The following IFT70A variants were observed in gnomAD, a reference collection of about 807,000 sequenced individuals.
IFT70A encodes the protein intraflagellar transport 70A, also known as intraflagellar transport protein 70A.
chr2:177,614,578 G>C, the IFT70A span: 1 of 152,062 alleles, frequency 6.6e-6, no homozygotes, highest in Non-Finnish European at 1.5e-5. Flanking sequence ...ATTTTTAAAA[G>C]GTTTCCAAAG....
the IFT70A span, chr2:177,616,627 T>C: frequency 1.6e-6 from 2 of 1,279,608 alleles, no homozygotes; most frequent in Non-Finnish European, 2.1e-6. Flanking sequence ...AATATAAAGA[T>C]GCCAAGGCTA....
the IFT70A span, chr2:177,616,818 A>C: frequency 6.2e-7 from 1 of 1,601,976 alleles, no homozygotes; most frequent in Non-Finnish European, 8.5e-7. Context: ...GTTCAATAAC[A>C]GCAGGTATGT....
chr2:177,618,424 C>T, the IFT70A span: 1 of 1,611,392 alleles, frequency 6.2e-7, no homozygotes, highest in South Asian at 1.1e-5. Context: ...CGGATAAAGG[C>T]AGGCCTTGTA....
At chr2:177,616,579 C>T in the IFT70A span, 5 of 922,434 alleles carry the variant, frequency 5.4e-6, no homozygotes, top group East Asian at 5.5e-5. Flanking sequence ...CAAACATAAA[C>T]TTGTTCTTAC....
At chr2:177,618,704 C>A in the IFT70A span, 4 of 1,562,192 alleles carry the variant, frequency 2.6e-6, no homozygotes, top group Non-Finnish European at 3.5e-6. Flanking sequence ...CCAGCCATAA[C>A]CACCACGGCT....
At chr2:177,618,416 G>A in the IFT70A span, 1 of 1,612,214 alleles carries the variant, frequency 6.2e-7, no homozygotes, top group Non-Finnish European at 8.5e-7. Context: ...GTGGCCTCCG[G>A]ATAAAGGCAG....
At chr2:177,614,714 T>C in the IFT70A span, 4 of 152,092 alleles carry the variant, frequency 2.6e-5, no homozygotes, top group Non-Finnish European at 4.4e-5. Context: ...AATTCTATAA[T>C]TGACAAAAGG....
chr2:177,615,556 T>C, the IFT70A span: 704 of 152,188 alleles, frequency 4.6e-3, 7 homozygotes, highest in African/African-American at 0.016. Flanking sequence ...CAGTATAACA[T>C]CCAACAATAA....
At chr2:177,616,121 CCCATTA>C in the IFT70A span, 1 of 152,144 alleles carries the variant, frequency 6.6e-6, no homozygotes, top group Admixed American at 6.5e-5. Flanking sequence ...AAAAGAAATT[CCCATTA>C]TACTTGTACT....
At chr2:177,614,218 T>A in the IFT70A span, 1 of 152,180 alleles carries the variant, frequency 6.6e-6, no homozygotes, top group Non-Finnish European at 1.5e-5. Context: ...TACCTATGGC[T>A]AGTAAATTAA....
At chr2:177,613,362 C>T in the IFT70A span, 1 of 152,210 alleles carries the variant, frequency 6.6e-6, no homozygotes, top group African/African-American at 2.4e-5. Flanking sequence ...CTGTTATGGT[C>T]TGATTCCTGA....
the IFT70A span, chr2:177,618,475 G>A: frequency 6.3e-7 from 1 of 1,588,700 alleles, no homozygotes; most frequent in Non-Finnish European, 8.6e-7. Flanking sequence ...CTCCAGTTCC[G>A]GGTGCAGCTG....
the IFT70A span, chr2:177,613,375 C>G: frequency 6.6e-6 from 1 of 152,172 alleles, no homozygotes; most frequent in Admixed American, 6.5e-5. Context: ...ATTCCTGAAG[C>G]TTTCTTTTGC....
chr2:177,618,625 C>G, the IFT70A span: 2 of 1,609,476 alleles, frequency 1.2e-6, no homozygotes, highest in Non-Finnish European at 1.7e-6. Flanking sequence ...CTCGGCGTAG[C>G]GGGCATCGCG....
At chr2:177,618,359 C>T in the IFT70A span, 1 of 1,613,294 alleles carries the variant, frequency 6.2e-7, no homozygotes, top group African/African-American at 1.3e-5. Context: ...AGGCGGAGGA[C>T]CCGGCTGTGG....
the IFT70A span, chr2:177,618,728 T>G: frequency 6.6e-7 from 1 of 1,519,160 alleles, no homozygotes; most frequent in Non-Finnish European, 8.8e-7. Flanking sequence ...ATGCGTGCGG[T>G]TACCACGGCA....
the IFT70A span, chr2:177,616,206 G>C: frequency 6.6e-6 from 1 of 152,300 alleles, no homozygotes; most frequent in African/African-American, 2.4e-5. Flanking sequence ...TAAAAAACTG[G>C]AGAAATAGAG....
At chr2:177,614,984 T>C in the IFT70A span, 1 of 152,222 alleles carries the variant, frequency 6.6e-6, no homozygotes, top group Non-Finnish European at 1.5e-5. Context: ...ATGATTTGAT[T>C]TGGTGAGTTA....
chr2:177,613,292 C>G, the IFT70A span: 6 of 152,154 alleles, frequency 3.9e-5, no homozygotes, highest in Non-Finnish European at 8.8e-5. Context: ...AATTGCACTC[C>G]TTAGCATATG....
Sources: allele counts gnomAD v4.1 joint callset, GRCh38; gene constraint gnomAD v4.1.1; transcripts MANE v1.5; gene names NCBI Gene and HGNC (gene_info 2026-07-23, HGNC 2026-07-21).